EPS15: variants seen among roughly 807,000 people sequenced by gnomAD.
EPS15 encodes the protein epidermal growth factor receptor pathway substrate 15.
EPS15 carries 72 observed loss-of-function variants against 113.8 expected under a neutral mutation model. The ratio of observed to expected loss-of-function variants is 0.63; its 90% CI spans 0.52 to 0.77. The LOEUF is 0.77. Ranked by LOEUF, EPS15 falls within the 30% of genes least tolerant of loss-of-function variation. EPS15 has a pLI of 0.00. For missense variants in EPS15, 1,048 were observed against 1,045.8 expected (o/e 1.00, Z -0.03); for synonymous variants, 344 against 363.4 (o/e 0.95, Z 0.61).
At chr1:51,364,652 G>A (rs1294899418) in intron 22 of EPS15, among the ~76,000 whole-genome samples, 2 of 151,718 alleles carry the variant, frequency 1.3e-5, no homozygotes, top group Non-Finnish European at 2.9e-5. Context: ...GTACCACCAC[G>A]CCTAGTTATT....
intron 21 of EPS15, chr1:51,372,942 G>A: frequency 3.3e-6 from 2 of 613,228 alleles, no homozygotes; most frequent in Non-Finnish European, 5.0e-6. Context: ...ATCATTAGCT[G>A]CAGGAAGTCT....
At chr1:51,486,952 A>T in intron 1 of EPS15, among the ~76,000 whole-genome samples, 1 of 152,166 alleles carries the variant, frequency 6.6e-6, no homozygotes, top group East Asian at 1.9e-4. Flanking sequence ...TTACAGGCAT[A>T]AGCCACTGCG....
chr1:51,492,457 A>AG (rs1299551160), intron 1 of EPS15, among the ~76,000 whole-genome samples: 2 of 152,240 alleles, frequency 1.3e-5, no homozygotes, highest in Non-Finnish European at 2.9e-5. Flanking sequence ...AAAATGAAAG[A>AG]AGAAAGGGAC....
At chr1:51,418,109 A>G (rs560507202) in intron 13 of EPS15, among the ~76,000 whole-genome samples, 6 of 152,316 alleles carry the variant, frequency 3.9e-5, no homozygotes, top group South Asian at 2.1e-4. Flanking sequence ...AGTTTTTTCA[A>G]TAAGATTCAT....
At chr1:51,474,215 T>C (rs1182852168) in intron 2 of EPS15, among the ~76,000 whole-genome samples, 1 of 152,242 alleles carries the variant, frequency 6.6e-6, no homozygotes, top group African/African-American at 2.4e-5. Flanking sequence ...GGCTCTGCCA[T>C]AGGCAAAGCC....
intron 21 of EPS15, among the ~76,000 whole-genome samples, chr1:51,379,372 G>C (rs773944909): frequency 1.3e-5 from 2 of 151,876 alleles, no homozygotes; most frequent in Admixed American, 1.3e-4. Flanking sequence ...CTCCCACCTC[G>C]GCCTCCCACA....
At chr1:51,430,375 C>A (rs1651608598) in intron 12 of EPS15, among the ~76,000 whole-genome samples, 1 of 151,898 alleles carries the variant, frequency 6.6e-6, no homozygotes, top group African/African-American at 2.4e-5. Flanking sequence ...TCGAGACAAG[C>A]CTGGCCAACT....
At chr1:51,444,436 A>G (rs896524580) in intron 11 of EPS15, among the ~76,000 whole-genome samples, 3 of 152,202 alleles carry the variant, frequency 2.0e-5, no homozygotes, top group Admixed American at 6.5e-5. Flanking sequence ...CATCCTCAAC[A>G]TAATGTTTTC....
intron 1 of EPS15, among the ~76,000 whole-genome samples, chr1:51,482,530 G>A (rs1432528328): frequency 6.6e-6 from 1 of 152,140 alleles, no homozygotes; most frequent in Middle Eastern, 3.4e-3. Context: ...GGCGTGGCAC[G>A]ATCTAGGCTC....
At chr1:51,478,324 C>T (rs1643953499) in intron 2 of EPS15, among the ~76,000 whole-genome samples, 1 of 152,236 alleles carries the variant, frequency 6.6e-6, no homozygotes, top group Non-Finnish European at 1.5e-5. Context: ...CTTCATCCAT[C>T]CCTTTATTTT....
intron 21 of EPS15, among the ~76,000 whole-genome samples, chr1:51,382,694 C>T (rs1646969886): frequency 1.3e-5 from 2 of 152,176 alleles, no homozygotes; most frequent in South Asian, 4.1e-4. Context: ...GCTGGGATTA[C>T]AGGCGTGAGC....
intron 21 of EPS15, among the ~76,000 whole-genome samples, chr1:51,376,383 G>A (rs1646799094): frequency 1.3e-5 from 2 of 152,206 alleles, no homozygotes; most frequent in Non-Finnish European, 1.5e-5. Flanking sequence ...CTCCTGCTAG[G>A]CTGGGCACTG....
In EPS15 at chr1:51,491,903, G is replaced by A. The variant is rs115191140; in HGVS notation, c.34-10589C>T. Reference sequence around the variant, plus strand: ...TTTGAGACAGAGTGTTGCCCAGTCTGTTGCCCAGGCTGGAGTGCAGTGGCA... The same window carrying A: ...TTTGAGACAGAGTGTTGCCCAGTCTATTGCCCAGGCTGGAGTGCAGTGGCA... On this transcript the variant is annotated intron_variant, in intron 1 of 24. Transcript: ENST00000371733. 3.0e-3 allele frequency among the ~76,000 whole-genome samples: 384 copies of A among 129,202 alleles called. 2 individuals carry two copies. The highest frequency in any genetic ancestry group is 0.011 in the African/African-American group (362 of 32,734). 84.8% of individuals were successfully genotyped at this position (129,202 alleles called of 152,430 possible). A position where few individuals can be genotyped will look rare whatever the true frequency, so the allele number is the denominator to read the frequency against.
At chr1:51,398,077 G>A (rs1359727355) in intron 20 of EPS15, among the ~76,000 whole-genome samples, 13 of 146,472 alleles carry the variant, frequency 8.9e-5, no homozygotes, top group African/African-American at 2.3e-4. Context: ...TTTTTGAGAC[G>A]GAGTCTCGCT....
At chr1:51,506,167 G>A (rs1016279721) in intron 1 of EPS15, among the ~76,000 whole-genome samples, 11 of 152,120 alleles carry the variant, frequency 7.2e-5, no homozygotes, top group African/African-American at 2.4e-4. Flanking sequence ...GATTACAGGC[G>A]TCAGCCACCG....
intron 1 of EPS15, among the ~76,000 whole-genome samples, chr1:51,484,420 AAAATT>A (rs1251685280): frequency 2.0e-5 from 3 of 152,204 alleles, no homozygotes; most frequent in Non-Finnish European, 4.4e-5. Context: ...TTTTAAATAA[AAAATT>A]AAATTAAATT....
chr1:51,388,211 T>C (rs904550443), intron 21 of EPS15, among the ~76,000 whole-genome samples: 8 of 152,230 alleles, frequency 5.3e-5, no homozygotes, highest in African/African-American at 1.9e-4. Context: ...AACCTGCTCC[T>C]GAATGACTAC....
chr1:51,518,018 G>A (rs915800380), intron 1 of EPS15, among the ~76,000 whole-genome samples: 1 of 152,128 alleles, frequency 6.6e-6, no homozygotes, highest in African/African-American at 2.4e-5. Flanking sequence ...AGGCCAAGGA[G>A]TACAAGATGG....
At chr1:51,372,724 A>G (rs945106622) in intron 21 of EPS15, 9 of 410,556 alleles carry the variant, frequency 2.2e-5, no homozygotes, top group Non-Finnish European at 3.8e-5. Flanking sequence ...AAAACATTTG[A>G]GCATGTGGCT....
Sources: gnomAD v4.1 joint callset for allele counts (sites outside exome capture counted in the v4.1 genomes callset) on GRCh38, gnomAD v4.1.1 for gene constraint, MANE v1.5 for transcripts, NCBI Gene and HGNC (gene_info 2026-07-23, HGNC 2026-07-21) for gene names.